Variants in SLIT1 observed in about 807,000 individuals in gnomAD.
SLIT1 encodes slit homolog 1 protein.
In SLIT1, 66 loss-of-function variants were observed where a neutral mutation model predicts 186.1. The observed-to-expected ratio is 0.35, with a 90% CI of 0.29 to 0.44. SLIT1 has a LOEUF of 0.44. SLIT1 is among the 20% of genes least tolerant of loss of function. The pLI, the probability that SLIT1 is intolerant of heterozygous loss-of-function variation, is 1.00. For synonymous variants in SLIT1, 761 were observed against 833.8 expected, an observed-to-expected ratio of 0.91 and a Z score of 1.50; for missense variants, 1,638 against 2,037.4, an observed-to-expected ratio of 0.80 and a Z score of 3.77.
chr10:97,142,866 T>A (rs1202706644), intron 4 of SLIT1, among the ~76,000 whole-genome samples: 1 of 152,164 alleles, frequency 6.6e-6, no homozygotes, highest in Non-Finnish European at 1.5e-5. Context: ...TAACTAATCA[T>A]GTTGTGCTCA....
chr10:97,034,604 G>A (rs1035435241), intron 22 of SLIT1, 62 bp from the exon 23 acceptor site: 23 of 1,444,264 alleles, frequency 1.6e-5, no homozygotes, highest in African/African-American at 4.2e-5. Flanking sequence ...TCACATTCAC[G>A]GGCTTCTTCC....
In SLIT1 at chr10:97,022,262, G is replaced by A. The variant is rs541596295; in HGVS notation, c.2583-849C>T. Among the ~76,000 whole-genome samples the A allele has an allele frequency of 1.3e-4, 20 of 152,262 alleles. No homozygotes were observed. Among genetic ancestry groups the A allele is most frequent in the African/African-American group, 4.6e-4 (19 of 41,542 alleles). On this transcript the variant is annotated intron_variant, in intron 25 of 36. Coordinates refer to ENST00000266058, the MANE Select transcript of SLIT1 (RefSeq NM_003061.3). This position sits in a 1 kb window ranked among gnomAD's most constrained non-coding sequence, Gnocchi z 4.2. ...GGCAGCCCCTGGATCCAGATGTGCC[G>A]CTGTCTGCCTCCGAAGCCCATGCTC...
intron 20 of SLIT1, among the ~76,000 whole-genome samples, chr10:97,041,792 C>T (rs1029293468): frequency 6.6e-6 from 1 of 152,076 alleles, no homozygotes; most frequent in Admixed American, 6.6e-5. Context: ...TTTTTAAATC[C>T]TCCTTCTGGT....
rs1848855453 is a variant in SLIT1, at chr10:97,057,847, G to A, written c.1086-566C>T. On this transcript the variant is annotated intron_variant, in intron 11 of 36. Coordinates refer to ENST00000266058, the MANE Select transcript of SLIT1 (RefSeq NM_003061.3). ...AAAACAAAAGTTCAAAAAAACACAT[G>A]TAGACATGGGTGGGTTCAGGAGGAC... 8.5e-6 allele frequency: 5 copies of A among 591,240 alleles called. No homozygotes were observed. In the Admixed American group the frequency reaches 1.4e-4, roughly 17 times the overall value. The allele number at this position is 591,240 out of a possible 1,614,324, so 36.6% of individuals were successfully genotyped here. A position where few individuals can be genotyped will look rare whatever the true frequency, so the allele number is the denominator to read the frequency against.
chr10:97,060,873 G>A (rs1045541996), intron 8 of SLIT1, 86 bp from the exon 9 acceptor site: 4 of 1,372,358 alleles, frequency 2.9e-6, no homozygotes, highest in Non-Finnish European at 3.9e-6. Context: ...ATGGGATAGG[G>A]TGTACACTGG....
intron 4 of SLIT1, among the ~76,000 whole-genome samples, chr10:97,085,218 C>T (rs1849146377): frequency 6.6e-6 from 1 of 152,060 alleles, no homozygotes; most frequent in Non-Finnish European, 1.5e-5. Flanking sequence ...CCACCACGCC[C>T]AGCGTTACTT....
chr10:97,174,663 A>C (rs1188380811), intron 1 of SLIT1, among the ~76,000 whole-genome samples: 1 of 152,224 alleles, frequency 6.6e-6, no homozygotes, highest in Non-Finnish European at 1.5e-5. Flanking sequence ...CAATTGCTAC[A>C]GTAGTATCCC....
intron 31 of SLIT1, among the ~76,000 whole-genome samples, chr10:97,008,242 T>C (rs534713692): frequency 3.3e-5 from 5 of 152,294 alleles, no homozygotes; most frequent in African/African-American, 9.6e-5. Flanking sequence ...AAACAATTCC[T>C]TTACAATAGC....
rs1402110576 is a variant in SLIT1, at chr10:97,043,101, C to T, written c.1998-34G>A. 3 of 1,601,712 alleles carry T rather than the reference C, an allele frequency of 1.9e-6. No individual in the cohort carries two copies. The highest frequency in any genetic ancestry group is 2.6e-6 in the Non-Finnish European group (3 of 1,173,314). On this transcript the variant is annotated intron_variant, in intron 19 of 36. Transcript: ENST00000266058. The surrounding 1 kb of genome is among the most constrained non-coding windows in gnomAD (Gnocchi z 7.0). ...GGCAGGCCAGGCGGCCATGGAGACA[C>T]TCTGCCCCTCTCAGAGGTCCCAGCA... is the stretch of plus-strand genomic sequence containing the variant.
intron 4 of SLIT1, among the ~76,000 whole-genome samples, chr10:97,100,282 G>T (rs1849337499): frequency 6.6e-6 from 1 of 152,154 alleles, no homozygotes; most frequent in African/African-American, 2.4e-5. Flanking sequence ...CAGCAGGAGT[G>T]GTTCACCTGT....
At chr10:97,018,821 A>ATTCATTCGTCCAC in intron 27 of SLIT1, 138 bp from the exon 28 acceptor site, 2 of 558,904 alleles carry the variant, frequency 3.6e-6, no homozygotes, top group South Asian at 4.2e-5. Context: ...CGTCCACTTC[A>ATTCATTCGTCCAC]TTCATTCATT....
chr10:97,013,951 G>A (rs1024569831), intron 29 of SLIT1, 68 bp downstream of exon 29: 25 of 1,590,946 alleles, frequency 1.6e-5, no homozygotes, highest in Middle Eastern at 1.7e-4. Flanking sequence ...TTCCACTCCC[G>A]AGCATGGGGG....
chr10:97,066,386 G>A (rs61260657), intron 4 of SLIT1, among the ~76,000 whole-genome samples: 5,012 of 152,232 alleles, frequency 0.033, 315 homozygotes, highest in African/African-American at 0.12. Context: ...GGGCAGCTAC[G>A]ATCAGCCCTG....
chr10:97,179,947 C>A (rs1485602292), intron 1 of SLIT1, among the ~76,000 whole-genome samples: 1 of 152,238 alleles, frequency 6.6e-6, no homozygotes, highest in South Asian at 2.1e-4. Flanking sequence ...GCTGCTAATG[C>A]CGGCACAGAA....
At chr10:97,167,013 C>T (rs369783170) in intron 1 of SLIT1, among the ~76,000 whole-genome samples, 7 of 152,106 alleles carry the variant, frequency 4.6e-5, no homozygotes, top group African/African-American at 1.7e-4. Flanking sequence ...GGGCCTGGCT[C>T]CTGATCCTCA....
intron 1 of SLIT1, among the ~76,000 whole-genome samples, chr10:97,183,338 A>T (rs1047067627): frequency 2.6e-5 from 4 of 152,172 alleles, no homozygotes; most frequent in African/African-American, 9.7e-5. Flanking sequence ...ACATTTGCTG[A>T]ATTAAAATAA....
At chr10:97,066,157 G>T in intron 4 of SLIT1, 71 bp from the exon 5 acceptor site, 1 of 1,275,146 alleles carries the variant, frequency 7.8e-7, no homozygotes, top group Non-Finnish European at 1.1e-6. Flanking sequence ...GCTGTGATAA[G>T]TCAGGGAAGC....
intron 4 of SLIT1, among the ~76,000 whole-genome samples, chr10:97,126,403 A>T (rs538486549): frequency 6.6e-6 from 1 of 152,338 alleles, no homozygotes; most frequent in Middle Eastern, 3.4e-3. Context: ...GAGGAGTTTC[A>T]GGAGCCACCA....
chr10:97,062,665 C>T (rs557401219), intron 8 of SLIT1, among the ~76,000 whole-genome samples: 1 of 152,320 alleles, frequency 6.6e-6, no homozygotes, highest in Non-Finnish European at 1.5e-5. Flanking sequence ...GCTGGGGGCA[C>T]CTGCACCAGG....
Sources: allele counts gnomAD v4.1 joint callset (sites outside exome capture counted in the v4.1 genomes callset), GRCh38; gene constraint gnomAD v4.1.1; non-coding constraint Gnocchi (gnomAD v3.1); transcripts MANE v1.5; gene names NCBI Gene and HGNC (gene_info 2026-07-23, HGNC 2026-07-21).